PDLIM5: variants seen among roughly 807,000 people sequenced by gnomAD.
PDLIM5 encodes PDZ and LIM domain 5.
Under a neutral mutation model 64.2 loss-of-function variants are expected in PDLIM5, and 34 were observed. The ratio of observed to expected loss-of-function variants is 0.53; its 90% CI spans 0.40 to 0.71. The LOEUF (loss-of-function observed/expected upper bound fraction) is 0.71. PDLIM5 is among the 30% of genes least tolerant of loss of function. The pLI, the probability that PDLIM5 is intolerant of heterozygous loss-of-function variation, is 0.00. For synonymous variants in PDLIM5, 253 were observed against 269.1 expected (o/e 0.94, Z 0.59); for missense variants, 683 against 733.6 (o/e 0.93, Z 0.80).
At chr4:94,648,676 A>G (rs554727197) in intron 9 of PDLIM5, among the ~76,000 whole-genome samples, 137 of 152,318 alleles carry the variant, frequency 9.0e-4, no homozygotes, top group African/African-American at 3.2e-3. Flanking sequence ...GGCTGAAATC[A>G]TGGTGTCAGC....
At chr4:94,616,443 C>G (rs191569524) in intron 7 of PDLIM5, among the ~76,000 whole-genome samples, 1 of 152,080 alleles carries the variant, frequency 6.6e-6, no homozygotes, top group Non-Finnish European at 1.5e-5. Flanking sequence ...AAATGTTACT[C>G]GGTACACTTA....
At chr4:94,570,567 C>T (rs1261165928) in intron 3 of PDLIM5, among the ~76,000 whole-genome samples, 3 of 152,086 alleles carry the variant, frequency 2.0e-5, no homozygotes, top group Non-Finnish European at 4.4e-5. Flanking sequence ...TAATACATTG[C>T]CATAGTGATT....
rs200032431 is a variant in PDLIM5 at position 94,654,667 on chromosome 4, G to A, written c.1464+27G>A. 202 of 1,451,362 alleles carry A rather than the reference G, an allele frequency of 1.4e-4. No individual in the cohort carries two copies. The African/African-American group carries it at 2.5e-3, about 18-fold the overall frequency. The allele number at this position is 1,451,362 out of a possible 1,614,324, so 89.9% of individuals were successfully genotyped here. A position where few individuals can be genotyped will look rare whatever the true frequency, so the allele number is the denominator to read the frequency against. ...TAAGTATTGGAAACGTTTTTATTCTGAATGAGTTTTAAAGTAGAATAATTT... is the reference window on the plus strand; with the variant it reads ...TAAGTATTGGAAACGTTTTTATTCTAAATGAGTTTTAAAGTAGAATAATTT... On this transcript the variant is annotated intron_variant, in intron 10 of 12. Transcript: ENST00000317968.
At chr4:94,626,844 G>T (rs1384263870) in intron 8 of PDLIM5, among the ~76,000 whole-genome samples, 1 of 151,498 alleles carries the variant, frequency 6.6e-6, no homozygotes, top group Non-Finnish European at 1.5e-5. Context: ...GATTTGATTA[G>T]ATCAAAGACT....
chr4:94,582,934 T>C (rs1008901702), intron 5 of PDLIM5: 22 of 513,842 alleles, frequency 4.3e-5, no homozygotes. Context: ...CACACTTCTG[T>C]AATGAAAAAC....
At chr4:94,628,819 T>C (rs1454575602) in intron 8 of PDLIM5, among the ~76,000 whole-genome samples, 6 of 152,202 alleles carry the variant, frequency 3.9e-5, no homozygotes, top group African/African-American at 7.2e-5. Context: ...AAATTTAATA[T>C]TTTAAATATA....
At chr4:94,615,689 G>T (rs1332319387) in intron 7 of PDLIM5, among the ~76,000 whole-genome samples, 2 of 152,194 alleles carry the variant, frequency 1.3e-5, no homozygotes, top group Non-Finnish European at 2.9e-5. Context: ...TAAATTCGTT[G>T]TGCGGCATTC....
At chr4:94,567,728 G>GT (rs1450529251) in intron 3 of PDLIM5, among the ~76,000 whole-genome samples, 1 of 152,170 alleles carries the variant, frequency 6.6e-6, no homozygotes, top group Non-Finnish European at 1.5e-5. Context: ...GCTGAAAGAG[G>GT]TTTTTAGCAC....
At chr4:94,481,161 A>C (rs796991319) in intron 2 of PDLIM5, among the ~76,000 whole-genome samples, 3 of 152,160 alleles carry the variant, frequency 2.0e-5, no homozygotes, top group Non-Finnish European at 4.4e-5. Context: ...TTCCATTGAA[A>C]TATTTAATAA....
intron 2 of PDLIM5, among the ~76,000 whole-genome samples, chr4:94,473,359 T>C (rs1725046366): frequency 6.6e-6 from 1 of 152,180 alleles, no homozygotes; most frequent in Admixed American, 6.6e-5. Context: ...CCTCCCGGGT[T>C]CAAGCAGTTC....
intron 11 of PDLIM5, among the ~76,000 whole-genome samples, chr4:94,661,946 G>A (rs572989492): frequency 9.2e-5 from 14 of 151,888 alleles, no homozygotes; most frequent in African/African-American, 2.9e-4. Context: ...TCAGCCTCCC[G>A]AGTAGCTGGG....
intron 2 of PDLIM5, among the ~76,000 whole-genome samples, chr4:94,500,010 G>A (rs112150938): frequency 0.023 from 3,560 of 152,180 alleles, 143 homozygotes; most frequent in African/African-American, 0.082. Context: ...AAAAAGGTTC[G>A]GACTGCTGAT....
chr4:94,540,275 G>A (rs1731686864), intron 3 of PDLIM5, among the ~76,000 whole-genome samples: 1 of 151,868 alleles, frequency 6.6e-6, no homozygotes, highest in Admixed American at 6.6e-5. Context: ...CTGCCACCAT[G>A]CCCGGCTAAT....
chr4:94,483,612 G>A (rs1726063081), intron 2 of PDLIM5, among the ~76,000 whole-genome samples: 1 of 151,988 alleles, frequency 6.6e-6, no homozygotes, highest in South Asian at 2.1e-4. Flanking sequence ...AAGAAACTTG[G>A]TCATTTGAAT....
chr4:94,592,366 T>G (rs1273955183), intron 7 of PDLIM5, among the ~76,000 whole-genome samples: 1 of 152,242 alleles, frequency 6.6e-6, no homozygotes, highest in Non-Finnish European at 1.5e-5. Flanking sequence ...TTTCACTTAA[T>G]AAATTTTGTT....
chr4:94,613,369 C>G (rs1027920414), intron 7 of PDLIM5, among the ~76,000 whole-genome samples: 19 of 152,210 alleles, frequency 1.2e-4, no homozygotes, highest in African/African-American at 4.1e-4. Flanking sequence ...TTAAAATTCC[C>G]AAGTATTCTT....
intron 2 of PDLIM5, among the ~76,000 whole-genome samples, chr4:94,465,649 T>C (rs2126085554): frequency 6.6e-6 from 1 of 152,220 alleles, no homozygotes; most frequent in African/African-American, 2.4e-5. Flanking sequence ...GACTCCCGCC[T>C]CAGCTTATCA....
intron 7 of PDLIM5, among the ~76,000 whole-genome samples, chr4:94,595,910 C>T (rs1175692575): frequency 6.6e-6 from 1 of 152,066 alleles, no homozygotes; most frequent in Admixed American, 6.5e-5. Flanking sequence ...AGATACATTC[C>T]CACAAAATAT....
intron 2 of PDLIM5, among the ~76,000 whole-genome samples, chr4:94,519,962 C>T (rs938799593): frequency 1.3e-5 from 2 of 152,064 alleles, no homozygotes; most frequent in Admixed American, 6.6e-5. Flanking sequence ...GCAGCTGTTC[C>T]TAGGGATGAG....
Sources: gnomAD v4.1 joint callset for allele counts (sites outside exome capture counted in the v4.1 genomes callset) on GRCh38, gnomAD v4.1.1 for gene constraint, MANE v1.5 for transcripts, NCBI Gene and HGNC (gene_info 2026-07-23, HGNC 2026-07-21) for gene names.